The following FAM13C variants were observed in gnomAD, a reference collection of about 807,000 sequenced individuals.
The protein encoded by FAM13C is protein FAM13C.
Under a neutral mutation model 73.2 loss-of-function variants are expected in FAM13C, and 37 were observed. That is an observed-to-expected ratio of 0.51 (90% CI 0.39 to 0.67). The LOEUF is 0.67. Ranked by LOEUF, FAM13C falls within the 30% of genes least tolerant of loss-of-function variation. FAM13C has a pLI of 0.00. For synonymous variants in FAM13C, 246 were observed against 260.9 expected (o/e 0.94, Z 0.55); for missense variants, 589 against 715.6 (o/e 0.82, Z 2.02).
intron 8 of FAM13C, among the ~76,000 whole-genome samples, chr10:59,266,557 G>A (rs1290507930): frequency 6.6e-6 from 1 of 152,170 alleles, no homozygotes; most frequent in Admixed American, 6.5e-5. Context: ...CCTGAGACCT[G>A]TGAGGTTCTG....
At chr10:59,264,395 A>G (rs995335024) in intron 8 of FAM13C, among the ~76,000 whole-genome samples, 2 of 152,190 alleles carry the variant, frequency 1.3e-5, no homozygotes, top group African/African-American at 4.8e-5. Context: ...TCTACTCTTT[A>G]ATCCTTGCTA....
At chr10:59,355,676 C>A (rs939980831) in intron 2 of FAM13C, among the ~76,000 whole-genome samples, 1 of 152,100 alleles carries the variant, frequency 6.6e-6, no homozygotes, top group East Asian at 1.9e-4. Flanking sequence ...AGTGTTCCCA[C>A]AGGTAAGGTA....
intron 5 of FAM13C, among the ~76,000 whole-genome samples, chr10:59,299,075 T>C (rs1425788361): frequency 6.6e-6 from 1 of 152,144 alleles, no homozygotes; most frequent in Non-Finnish European, 1.5e-5. Flanking sequence ...CTATAATTAA[T>C]AATAATATAT....
At chr10:59,349,812 A>G (rs1235441188) in intron 3 of FAM13C, among the ~76,000 whole-genome samples, 10 of 152,142 alleles carry the variant, frequency 6.6e-5, no homozygotes, top group Non-Finnish European at 4.4e-5. Context: ...GGAAAATTTT[A>G]TGTTGGTTAT....
At chr10:59,330,158 G>A (rs190573057) in intron 3 of FAM13C, among the ~76,000 whole-genome samples, 5 of 152,200 alleles carry the variant, frequency 3.3e-5, no homozygotes, top group East Asian at 1.9e-4. Context: ...GCATTAATTC[G>A]AGTTGTTTGC....
chr10:59,355,447 T>C (rs546540790), intron 2 of FAM13C, among the ~76,000 whole-genome samples: 3 of 152,130 alleles, frequency 2.0e-5, no homozygotes, highest in African/African-American at 7.2e-5. Flanking sequence ...TTAGATTAAA[T>C]AATAAAATGT....
intron 6 of FAM13C, among the ~76,000 whole-genome samples, chr10:59,277,164 C>T (rs892721317): frequency 1.3e-5 from 2 of 152,130 alleles, no homozygotes; most frequent in African/African-American, 4.8e-5. Flanking sequence ...AAGCCAGCTA[C>T]TCCTAACAAA....
At chr10:59,267,237 A>C (rs1843165409) in intron 8 of FAM13C, among the ~76,000 whole-genome samples, 1 of 152,238 alleles carries the variant, frequency 6.6e-6, no homozygotes, top group South Asian at 2.1e-4. Context: ...AGCAGCAAAC[A>C]GGTGAAATAA....
intron 4 of FAM13C, among the ~76,000 whole-genome samples, chr10:59,303,477 T>G (rs1433170474): frequency 1.3e-5 from 2 of 152,238 alleles, no homozygotes; most frequent in African/African-American, 2.4e-5. Context: ...TTGTTTTGAT[T>G]GAATGAATGT....
intron 12 of FAM13C, 22 bp from the exon 13 acceptor site, chr10:59,251,698 T>C: frequency 1.9e-6 from 3 of 1,543,646 alleles, no homozygotes; most frequent in African/African-American, 1.4e-5. Flanking sequence ...AAAATACTTG[T>C]CATTACTGGG....
intron 4 of FAM13C, among the ~76,000 whole-genome samples, chr10:59,318,571 G>A (rs1849819221): frequency 6.6e-6 from 1 of 152,130 alleles, no homozygotes; most frequent in Non-Finnish European, 1.5e-5. Flanking sequence ...TGAGTGAAAT[G>A]ACCATGGTCA....
intron 2 of FAM13C, among the ~76,000 whole-genome samples, chr10:59,355,044 T>C (rs1002269604): frequency 8.6e-5 from 13 of 152,042 alleles, no homozygotes; most frequent in African/African-American, 2.9e-4. Flanking sequence ...AAAATCCATA[T>C]GCCTTGTATA....
In FAM13C at chr10:59,267,001, A is replaced by G. The variant is rs1268512645; in HGVS notation, c.942+1552T>C. Reference sequence around the variant, plus strand: ...TCCTTATTTACTACTTACAAACTTAAGAAGTCGCTACCTAATACTCCATTT... The same window carrying G: ...TCCTTATTTACTACTTACAAACTTAGGAAGTCGCTACCTAATACTCCATTT... On this transcript the variant is annotated intron_variant, in intron 8 of 13. Transcript: ENST00000618804. Among the ~76,000 whole-genome samples the G allele has an allele frequency of 4.6e-5, 7 of 152,352 alleles. No homozygotes were observed. The South Asian group carries it at 8.3e-4, about 18-fold the overall frequency.
At chr10:59,359,753 C>A (rs1856169682) in intron 1 of FAM13C, among the ~76,000 whole-genome samples, 1 of 152,240 alleles carries the variant, frequency 6.6e-6, no homozygotes, top group South Asian at 2.1e-4. Flanking sequence ...AATACAATCA[C>A]CCATTCTGGG....
chr10:59,321,432 CTTTTTTTTTT>C (rs1057110939), intron 4 of FAM13C, among the ~76,000 whole-genome samples: 5 of 58,060 alleles, frequency 8.6e-5, no homozygotes, highest in African/African-American at 1.2e-4. Flanking sequence ...CTGCCAACAC[CTTTTTTTTTT>C]TTTTTTTTTT....
chr10:59,308,544 C>CCACCACCACCAG (rs1848528953), intron 4 of FAM13C, among the ~76,000 whole-genome samples: 4 of 56,066 alleles, frequency 7.1e-5, no homozygotes, highest in African/African-American at 1.9e-4. Flanking sequence ...ATCACCCCCA[C>CCACCACCACCAG]CACCACCACC....
intron 3 of FAM13C, among the ~76,000 whole-genome samples, chr10:59,344,518 G>A (rs1439582922): frequency 1.3e-5 from 2 of 151,368 alleles, no homozygotes; most frequent in Non-Finnish European, 2.9e-5. Flanking sequence ...TCCTGACCTC[G>A]TGATCCGCCC....
chr10:59,264,055 G>A (rs1459191745), intron 9 of FAM13C, 30 bp downstream of exon 9: 1 of 1,597,590 alleles, frequency 6.3e-7, no homozygotes, highest in Non-Finnish European at 8.6e-7. Flanking sequence ...CTTCCTTTGT[G>A]AGGAAAAAAG....
At chr10:59,279,460 C>T (rs1021845296) in intron 6 of FAM13C, among the ~76,000 whole-genome samples, 1 of 152,096 alleles carries the variant, frequency 6.6e-6, no homozygotes, top group Non-Finnish European at 1.5e-5. Context: ...ATTTGAAGAT[C>T]AAGATTTTAG....
Sources: gnomAD v4.1 joint callset for allele counts (sites outside exome capture counted in the v4.1 genomes callset) on GRCh38, gnomAD v4.1.1 for gene constraint, MANE v1.5 for transcripts, NCBI Gene and HGNC (gene_info 2026-07-23, HGNC 2026-07-21) for gene names.